LINGO2: variants seen among roughly 807,000 people sequenced by gnomAD.
LINGO2 encodes the protein leucine-rich repeat and immunoglobulin-like domain-containing nogo receptor-interacting protein 2.
Under a neutral mutation model 30.6 loss-of-function variants are expected in LINGO2, and 14 were observed. That is an observed-to-expected ratio of 0.46 (90% CI 0.30 to 0.72). The LOEUF is 0.72. LINGO2 is among the 30% of genes least tolerant of loss of function. The probability of loss-of-function intolerance (pLI) is 0.07; values close to 1 mark genes in which losing one functional copy is unlikely to be tolerated. For missense variants in LINGO2, 729 were observed against 751.7 expected, an observed-to-expected ratio of 0.97 and a Z score of 0.35; for synonymous variants, 317 against 288.5, an observed-to-expected ratio of 1.10 and a Z score of -1.00.
chr9:28,054,402 G>A (rs1824821385), intron 4 of LINGO2, among the ~76,000 whole-genome samples: 1 of 152,006 alleles, frequency 6.6e-6, no homozygotes. Flanking sequence ...CTGATGAGAT[G>A]GAACATTTTA....
intron 4 of LINGO2, among the ~76,000 whole-genome samples, chr9:28,284,329 A>G (rs1336327407): frequency 1.3e-5 from 2 of 152,110 alleles, no homozygotes; most frequent in African/African-American, 4.8e-5. Flanking sequence ...CTCAGATTAG[A>G]TTGATCTTGT....
intron 4 of LINGO2, among the ~76,000 whole-genome samples, chr9:28,219,499 T>G (rs1236028841): frequency 1.3e-5 from 2 of 152,194 alleles, no homozygotes; most frequent in Non-Finnish European, 2.9e-5. Flanking sequence ...CATTTATTTC[T>G]CTTGTTGGAA....
the LINGO2 span, among the ~76,000 whole-genome samples, chr9:28,691,570 A>G: frequency 6.7e-6 from 1 of 149,802 alleles, no homozygotes; most frequent in Non-Finnish European, 1.5e-5. Flanking sequence ...CATCCTTAAG[A>G]AACTGAGAAA....
At chr9:29,210,586 A>G in the LINGO2 span, among the ~76,000 whole-genome samples, 1 of 152,168 alleles carries the variant, frequency 6.6e-6, no homozygotes, top group African/African-American at 2.4e-5. Flanking sequence ...ATCATCCACT[A>G]TAATACATGA....
At chr9:28,120,830 A>C (rs1191261810) in intron 4 of LINGO2, among the ~76,000 whole-genome samples, 1 of 152,174 alleles carries the variant, frequency 6.6e-6, no homozygotes, top group Non-Finnish European at 1.5e-5. Context: ...CAGACCAGGA[A>C]GCTTTACGTA....
the LINGO2 span, among the ~76,000 whole-genome samples, chr9:28,884,798 T>A: frequency 6.9e-6 from 1 of 144,612 alleles, no homozygotes; most frequent in Non-Finnish European, 1.5e-5. Context: ...TGTGTATATA[T>A]ATTCTTTAGC....
At chr9:28,223,780 TAAAG>T (rs1018173017) in intron 4 of LINGO2, among the ~76,000 whole-genome samples, 1 of 151,992 alleles carries the variant, frequency 6.6e-6, no homozygotes. Context: ...CCTATGGAAA[TAAAG>T]AGAGAAAAAA....
chr9:27,991,134 AATG>A (rs2119026479), intron 5 of LINGO2, among the ~76,000 whole-genome samples: 1 of 152,210 alleles, frequency 6.6e-6, no homozygotes, highest in Admixed American at 6.5e-5. Flanking sequence ...CACAAACCTT[AATG>A]ATTATTCTAA....
intron 2 of LINGO2, among the ~76,000 whole-genome samples, chr9:28,401,355 C>G (rs1459959053): frequency 6.6e-6 from 1 of 151,938 alleles, no homozygotes; most frequent in Non-Finnish European, 1.5e-5. Flanking sequence ...TCTCAATGTT[C>G]AACTCCCACT....
At chr9:29,152,290 C>T in the LINGO2 span, among the ~76,000 whole-genome samples, 1 of 152,126 alleles carries the variant, frequency 6.6e-6, no homozygotes, top group African/African-American at 2.4e-5. Flanking sequence ...TACCAATCAA[C>T]CCAACATTCT....
intron 3 of LINGO2, among the ~76,000 whole-genome samples, chr9:28,360,814 CA>C (rs1340682277): frequency 1.3e-5 from 2 of 152,056 alleles, no homozygotes; most frequent in African/African-American, 4.8e-5. Context: ...CTATACTGGC[CA>C]GCACTTCTCT....
At chr9:28,128,261 C>T (rs1470268248) in intron 4 of LINGO2, among the ~76,000 whole-genome samples, 1 of 152,182 alleles carries the variant, frequency 6.6e-6, no homozygotes, top group Non-Finnish European at 1.5e-5. Context: ...ACCATTGTTT[C>T]CTGACTCCTC....
chr9:29,016,785 A>C, the LINGO2 span, among the ~76,000 whole-genome samples: 1 of 152,184 alleles, frequency 6.6e-6, no homozygotes, highest in Admixed American at 6.6e-5. Context: ...TCTTGTTCAA[A>C]AGGAGACAAC....
chr9:28,031,703 T>C (rs1423562436), intron 4 of LINGO2, among the ~76,000 whole-genome samples: 1 of 152,204 alleles, frequency 6.6e-6, no homozygotes, highest in African/African-American at 2.4e-5. Flanking sequence ...AGCCGATTAT[T>C]GTTTGTCCAG....
the LINGO2 span, among the ~76,000 whole-genome samples, chr9:28,736,203 A>G: frequency 6.6e-6 from 1 of 152,116 alleles, no homozygotes; most frequent in Non-Finnish European, 1.5e-5. Flanking sequence ...TATAGCTTAG[A>G]GCTGAGGAAA....
At chr9:27,945,171 G>A (rs1370459018), downstream of LINGO2, among the ~76,000 whole-genome samples, 1 of 152,028 alleles carries the variant, frequency 6.6e-6, no homozygotes. Context: ...AGAGACCCTG[G>A]AAATACAAGT....
chr9:28,194,182 T>C (rs1819926310), intron 4 of LINGO2, among the ~76,000 whole-genome samples: 1 of 152,004 alleles, frequency 6.6e-6, no homozygotes, highest in Non-Finnish European at 1.5e-5. Flanking sequence ...CTTTGGAAAA[T>C]ACAATCTACT....
chr9:28,901,359 C>G, the LINGO2 span, among the ~76,000 whole-genome samples: 7 of 152,092 alleles, frequency 4.6e-5, no homozygotes, highest in African/African-American at 1.7e-4. Flanking sequence ...ATTAGTAACA[C>G]AAAACATATT....
chr9:28,695,704 C>G, the LINGO2 span, among the ~76,000 whole-genome samples: 7 of 143,998 alleles, frequency 4.9e-5, no homozygotes, highest in African/African-American at 1.8e-4. Context: ...TGAATGAACA[C>G]AGCAAATTGA....
Sources: allele counts gnomAD v4.1 joint callset (sites outside exome capture counted in the v4.1 genomes callset), GRCh38; gene constraint gnomAD v4.1.1; transcripts MANE v1.5; gene names NCBI Gene and HGNC (gene_info 2026-07-23, HGNC 2026-07-21).